Variants in CCL18 observed in about 807,000 individuals in gnomAD.
The protein encoded by CCL18 is C-C motif chemokine 18.
Under a neutral mutation model 8.0 loss-of-function variants are expected in CCL18, and 7 were observed. The ratio of observed to expected loss-of-function variants is 0.87; its 90% CI spans 0.50 to 1.64. CCL18 has a LOEUF of 1.64. CCL18 is among the 40% of genes most tolerant of loss of function. CCL18 has a pLI of 0.00. For synonymous variants in CCL18, 35 were observed against 41.3 expected, an observed-to-expected ratio of 0.85 and a Z score of 0.59; for missense variants, 95 against 107.8, an observed-to-expected ratio of 0.88 and a Z score of 0.52.
At chr17:36,064,643 T>C (rs1598790208) in intron 1 of CCL18, among the ~76,000 whole-genome samples, 1 of 152,212 alleles carries the variant, frequency 6.6e-6, no homozygotes, top group African/African-American at 2.4e-5. Flanking sequence ...TGAAGTCTAA[T>C]TCATTGGGTT....
chr17:36,064,329 G>A lies in CCL18; in HGVS notation c.-14G>A. 4 of 1,612,720 alleles carry A rather than the reference G, an allele frequency of 2.5e-6. No individual in the cohort carries two copies. The highest frequency in any genetic ancestry group is 3.4e-6 in the Non-Finnish European group (4 of 1,178,788). ...CCCAGCTCACTCTGACCACTTCTCT[G>A]CCTGCCCAGCATCATGAAGGGCCTT... On this transcript the variant is annotated 5_prime_UTR_variant, in exon 1 of 3. Coordinates refer to ENST00000616054, the MANE Select transcript of CCL18 (RefSeq NM_002988.4).
At chr17:36,070,423 A>G (rs1249578604) in intron 1 of CCL18, 24 bp from the exon 2 acceptor site, 2 of 1,421,450 alleles carry the variant, frequency 1.4e-6, no homozygotes, top group Non-Finnish European at 2.0e-6. Context: ...ATGACTTGGG[A>G]TCTTTCTGTC....
At chr17:36,068,353 G>A (rs978069489) in intron 1 of CCL18, among the ~76,000 whole-genome samples, 8 of 151,742 alleles carry the variant, frequency 5.3e-5, no homozygotes, top group African/African-American at 1.9e-4. Flanking sequence ...GGCTAGGTTT[G>A]GGTACTAGAA....
intron 1 of CCL18, 129 bp from the exon 2 acceptor site, chr17:36,070,318 T>C: frequency 1.8e-6 from 1 of 567,550 alleles, no homozygotes; most frequent in East Asian, 3.0e-5. Flanking sequence ...CTGGATCTCT[T>C]TGTCCCTATA....
At chr17:36,067,069 G>T (rs368977367) in intron 1 of CCL18, among the ~76,000 whole-genome samples, 2 of 152,180 alleles carry the variant, frequency 1.3e-5, no homozygotes, top group African/African-American at 4.8e-5. Flanking sequence ...TAAGTAGTTC[G>T]AGTTGTGTTT....
rs755538594 is a variant in CCL18 at position 36,070,472 on chromosome 17, C to A, written c.93C>A (p.Cys31Ter). 5.0e-6 allele frequency: 8 copies of A among 1,612,988 alleles called. No individual in the cohort carries two copies. The African/African-American group carries it at 8.0e-5, about 16-fold the overall frequency. Residue 31 changes from cysteine to a stop codon, truncating the protein, a stop_gained, in exon 2 of 3, where the codon TGC becomes TGA. Coordinates refer to ENST00000616054, the MANE Select transcript of CCL18 (RefSeq NM_002988.4). LOFTEE classifies it high-confidence loss of function. ...AQVGTNKELC[C>*]LVYTSWQIPQ... Reference sequence around the variant, plus strand: ...TTGGTACCAACAAAGAGCTCTGCTGCCTCGTCTATACCTCCTGGCAGATTC... The same window carrying A: ...TTGGTACCAACAAAGAGCTCTGCTGACTCGTCTATACCTCCTGGCAGATTC...
Position 36,071,753 on chromosome 17 carries a change from C to A in CCL18, c.*712C>A, listed in dbSNP as rs2142054343. ...TGCAATGCATATTTACGCACACAAG[C>A]TCATTTTCATAAATGAAGCTTTCCT... On this transcript the variant is annotated 3_prime_UTR_variant, in exon 3 of 3. Coordinates refer to ENST00000616054, the MANE Select transcript of CCL18 (RefSeq NM_002988.4). 1 of 152,308 alleles carries A rather than the reference C, an allele frequency of 6.6e-6. No homozygotes were observed. The highest frequency in any genetic ancestry group is 1.9e-4 in the East Asian group (1 of 5,192). 9.4% of individuals were successfully genotyped at this position (152,308 alleles called of 1,614,324 possible).
At chr17:36,069,281 A>G (rs2066853080) in intron 1 of CCL18, among the ~76,000 whole-genome samples, 1 of 152,180 alleles carries the variant, frequency 6.6e-6, no homozygotes, top group Non-Finnish European at 1.5e-5. Context: ...ACCCAGTCTC[A>G]GGGTGACACC....
chr17:36,065,615 G>T (rs924184353), intron 1 of CCL18, among the ~76,000 whole-genome samples: 5 of 152,138 alleles, frequency 3.3e-5, no homozygotes, highest in Non-Finnish European at 5.9e-5. Flanking sequence ...AGACAATGGG[G>T]TGCCTTAACC....
chr17:36,066,563 G>T (rs1449098975), intron 1 of CCL18, among the ~76,000 whole-genome samples: 1 of 152,222 alleles, frequency 6.6e-6, no homozygotes, highest in Non-Finnish European at 1.5e-5. Flanking sequence ...GGGTACCTTG[G>T]GTCCCCCAGG....
At chr17:36,067,129 G>A (rs114879481) in intron 1 of CCL18, among the ~76,000 whole-genome samples, 2 of 152,166 alleles carry the variant, frequency 1.3e-5, no homozygotes, top group Admixed American at 6.5e-5. Flanking sequence ...TGGACTATGG[G>A]AATGACAAGA....
intron 1 of CCL18, among the ~76,000 whole-genome samples, chr17:36,068,934 A>C (rs2066850970): frequency 6.6e-6 from 1 of 152,034 alleles, no homozygotes; most frequent in African/African-American, 2.4e-5. Flanking sequence ...ATCAGAGCTC[A>C]CTGTAGGCTT....
In CCL18 at chr17:36,070,045, G is replaced by A. The variant is rs563653402; in HGVS notation, c.68-402G>A. Among the ~76,000 whole-genome samples, 125 of 152,274 alleles carry A rather than the reference G, an allele frequency of 8.2e-4. 1 individual carries two copies. The highest frequency in any genetic ancestry group is 2.8e-3 in the African/African-American group (118 of 41,532). On this transcript the variant is annotated intron_variant, in intron 1 of 2. Coordinates refer to ENST00000616054, the MANE Select transcript of CCL18 (RefSeq NM_002988.4). ...GGAGAGTGAGTCCCATTCTATGGAT[G>A]AGAAAATGGAGGCCCACGGGGATTT...
chr17:36,071,181 A>C lies in CCL18; in HGVS notation c.*140A>C. On this transcript the variant is annotated 3_prime_UTR_variant, in exon 3 of 3. Coordinates refer to ENST00000616054, the MANE Select transcript of CCL18 (RefSeq NM_002988.4). ...CTGCTATGCCCAGCCACATTAACTA[A>C]CTTTAATCTTAGTTTATGCATCATA... is the stretch of plus-strand genomic sequence containing the variant. 1.7e-6 allele frequency: 1 copy of C among 583,682 alleles called. No homozygotes were observed. The highest frequency in any genetic ancestry group is 3.1e-6 in the Non-Finnish European group (1 of 320,766). 36.2% of individuals were successfully genotyped at this position (583,682 alleles called of 1,614,324 possible). A position where few individuals can be genotyped will look rare whatever the true frequency, so the allele number is the denominator to read the frequency against.
At chr17:36,068,092 T>A (rs1443051164) in intron 1 of CCL18, among the ~76,000 whole-genome samples, 1 of 152,198 alleles carries the variant, frequency 6.6e-6, no homozygotes, top group Admixed American at 6.5e-5. Context: ...TGTAAGTCTA[T>A]GATATTCCCA....
chr17:36,069,779 G>A (rs2066856187), intron 1 of CCL18, among the ~76,000 whole-genome samples: 1 of 152,142 alleles, frequency 6.6e-6, no homozygotes, highest in Non-Finnish European at 1.5e-5. Context: ...CCCTGCAGTT[G>A]CCCTTGCTGT....
At chr17:36,068,057 C>G (rs372516775) in intron 1 of CCL18, among the ~76,000 whole-genome samples, 1 of 152,082 alleles carries the variant, frequency 6.6e-6, no homozygotes, top group Non-Finnish European at 1.5e-5. Context: ...TGAAGGTGTA[C>G]GGTAGACTAC....
At chr17:36,068,384 A>G (rs1173107388) in intron 1 of CCL18, among the ~76,000 whole-genome samples, 1 of 151,378 alleles carries the variant, frequency 6.6e-6, no homozygotes, top group Non-Finnish European at 1.5e-5. Flanking sequence ...CTTCAATGAA[A>G]TTTTTTTTTC....
Position 36,070,537 on chromosome 17 carries a change from A to C in CCL18, c.158A>C (p.Gln53Pro), listed in dbSNP as rs1555649057. Residue 53 changes from glutamine to proline, a missense_variant, in exon 2 of 3, where the codon CAG (glutamine) becomes CCG (proline). Physicochemically the swap from Gln to Pro is moderately conservative, Grantham distance 76. Transcript: ENST00000616054. ...FIVDYSETSPQCPKPGVILLT... is the reference protein window; with the variant it reads ...FIVDYSETSPPCPKPGVILLT... ...GTTGACTATTCTGAAACCAGCCCCC[A>C]GTGCCCCAAGCCAGGTGTCATGTAA... The C allele has an allele frequency of 2.5e-6, 4 of 1,612,376 alleles. No individual in the cohort carries two copies. Among genetic ancestry groups the C allele is most frequent in the Non-Finnish European group, 3.4e-6 (4 of 1,178,362 alleles).
Sources: gnomAD v4.1 joint callset for allele counts (sites outside exome capture counted in the v4.1 genomes callset) on GRCh38, gnomAD v4.1.1 for gene constraint, MANE v1.5 for transcripts, NCBI Gene and HGNC (gene_info 2026-07-23, HGNC 2026-07-21) for gene names.